Variants in TRIM33 observed in about 807,000 individuals in gnomAD.
The protein encoded by TRIM33 is E3 ubiquitin-protein ligase TRIM33.
TRIM33 carries 20 observed loss-of-function variants against 125.4 expected under a neutral mutation model. The ratio of observed to expected loss-of-function variants is 0.16; its 90% confidence interval spans 0.11 to 0.23. The LOEUF (loss-of-function observed/expected upper bound fraction) is 0.23, where lower values mean the gene tolerates loss of function less well. Among genes scored for constraint, TRIM33 ranks in the 10% least tolerant of loss-of-function variants. The probability of loss-of-function intolerance (pLI) is 1.00; values close to 1 mark genes in which losing one functional copy is unlikely to be tolerated. For missense variants in TRIM33, 920 were observed against 1,411.4 expected (o/e 0.65, Z 5.58); for synonymous variants, 564 against 513.9 (o/e 1.10, Z -1.32).
At chr1:114,481,582 C>T (rs1477809286) in intron 1 of TRIM33, among the ~76,000 whole-genome samples, 2 of 147,360 alleles carry the variant, frequency 1.4e-5, no homozygotes, top group African/African-American at 5.0e-5. Context: ...CAGAGTGAGA[C>T]ACTGTCCGAA....
At chr1:114,473,451 A>T (rs970784014) in intron 1 of TRIM33, among the ~76,000 whole-genome samples, 5 of 152,040 alleles carry the variant, frequency 3.3e-5, no homozygotes, top group South Asian at 2.1e-4. Flanking sequence ...CACAGGCTAA[A>T]CTAATTCCGA....
At chr1:114,465,691 C>T (rs1413445430) in intron 1 of TRIM33, among the ~76,000 whole-genome samples, 1 of 151,860 alleles carries the variant, frequency 6.6e-6, no homozygotes, top group South Asian at 2.1e-4. Context: ...ATATTTAAAA[C>T]AAAATACTGT....
intron 1 of TRIM33, among the ~76,000 whole-genome samples, chr1:114,489,840 A>C (rs1651942735): frequency 6.6e-6 from 1 of 152,192 alleles, no homozygotes; most frequent in Non-Finnish European, 1.5e-5. Flanking sequence ...AAAATGGTTA[A>C]ATTTTGTTAC....
intron 11 of TRIM33, among the ~76,000 whole-genome samples, chr1:114,420,702 CTCTGA>C (rs1248597833): frequency 2.0e-5 from 3 of 152,270 alleles, no homozygotes; most frequent in South Asian, 2.1e-4. Context: ...CAATGTAATG[CTCTGA>C]TCTATGTTAT....
chr1:114,500,154 G>A (rs768613292), intron 1 of TRIM33, among the ~76,000 whole-genome samples: 1 of 152,196 alleles, frequency 6.6e-6, no homozygotes, highest in Non-Finnish European at 1.5e-5. Flanking sequence ...GCAACAAAGT[G>A]AGACTCTGTC....
At chr1:114,398,999 A>C (rs1572002603) in intron 18 of TRIM33, among the ~76,000 whole-genome samples, 1 of 151,768 alleles carries the variant, frequency 6.6e-6, no homozygotes. Flanking sequence ...TGCTGAAATA[A>C]GAAAACTTAG....
chr1:114,426,496 T>A (rs1216550414), intron 8 of TRIM33, among the ~76,000 whole-genome samples: 3 of 151,296 alleles, frequency 2.0e-5, no homozygotes, highest in Non-Finnish European at 4.4e-5. Flanking sequence ...TTTTATTATA[T>A]GCAAAGATTA....
At chr1:114,481,645 G>A (rs1276317040) in intron 1 of TRIM33, among the ~76,000 whole-genome samples, 6 of 142,212 alleles carry the variant, frequency 4.2e-5, no homozygotes, top group African/African-American at 1.4e-4. Context: ...ATATATGTGT[G>A]TGTGTGTGTG....
At chr1:114,455,552 T>C (rs1649568863) in intron 4 of TRIM33, among the ~76,000 whole-genome samples, 2 of 152,144 alleles carry the variant, frequency 1.3e-5, no homozygotes, top group African/African-American at 2.4e-5. Flanking sequence ...AGTTAAGTCA[T>C]AAGAAAACAG....
At chr1:114,494,818 T>C (rs1416046117) in intron 1 of TRIM33, among the ~76,000 whole-genome samples, 1 of 152,204 alleles carries the variant, frequency 6.6e-6, no homozygotes, top group Admixed American at 6.5e-5. Context: ...ATTAATTACA[T>C]CCACCTTAAA....
At chr1:114,429,041 C>T (rs889236498) in intron 6 of TRIM33, among the ~76,000 whole-genome samples, 7 of 152,124 alleles carry the variant, frequency 4.6e-5, no homozygotes, top group African/African-American at 1.7e-4. Flanking sequence ...AAATGTATTA[C>T]AGTAAGTTTA....
intron 1 of TRIM33, among the ~76,000 whole-genome samples, chr1:114,481,568 G>A (rs1332975931): frequency 2.0e-5 from 3 of 149,268 alleles, no homozygotes; most frequent in African/African-American, 7.4e-5. Flanking sequence ...TCCAGCCTGG[G>A]CAACAGAGTG....
At chr1:114,488,126 A>G (rs1045264227) in intron 1 of TRIM33, among the ~76,000 whole-genome samples, 2 of 152,090 alleles carry the variant, frequency 1.3e-5, no homozygotes, top group Non-Finnish European at 2.9e-5. Flanking sequence ...TGTCAATACA[A>G]AGACTTTAAG....
intron 4 of TRIM33, among the ~76,000 whole-genome samples, chr1:114,455,350 CTA>C: frequency 6.6e-6 from 1 of 152,268 alleles, no homozygotes; most frequent in Non-Finnish European, 1.5e-5. Flanking sequence ...CAGGAGATGA[CTA>C]TGAGTGACAT....
At chr1:114,476,450 A>C (rs756483104) in intron 1 of TRIM33, among the ~76,000 whole-genome samples, 5 of 152,162 alleles carry the variant, frequency 3.3e-5, no homozygotes, top group Non-Finnish European at 7.4e-5. Context: ...TTAAATGTTT[A>C]AAAACAAAAC....
chr1:114,414,707 C>A (rs778449111), intron 11 of TRIM33, among the ~76,000 whole-genome samples: 34 of 152,146 alleles, frequency 2.2e-4, no homozygotes, highest in Admixed American at 1.3e-4. Flanking sequence ...TCTGCATTCT[C>A]CTGGCCTGTA....
At chr1:114,499,189 A>C (rs1456236790) in intron 1 of TRIM33, among the ~76,000 whole-genome samples, 3 of 152,154 alleles carry the variant, frequency 2.0e-5, no homozygotes, top group African/African-American at 7.2e-5. Context: ...AGAATAAAGA[A>C]AACTTCAAAA....
rs2101598228 is a variant in TRIM33 at position 114,510,872 on chromosome 1, C to A, written c.205G>T (p.Ala69Ser). Residue 69 changes from alanine to serine, a missense_variant, in exon 1 of 20, where the codon GCG becomes TCG. Around this residue, in one of 8 missense-constraint regions of TRIM33, gnomAD observed 233 missense variants for 189.6 expected, o/e 1.23. Coordinates refer to ENST00000358465, the MANE Select transcript of TRIM33 (RefSeq NM_015906.4). Reference protein sequence around the residue: ...AAGPDDGGVAAASSGSAQAAS... With the variant: ...AAGPDDGGVASASSGSAQAAS... Reference sequence around the variant, plus strand: ...GCCTGGGCCGAGCCCGAGGAGGCCGCGGCCACCCCCCCGTCGTCGGGCCCG... The same window carrying A: ...GCCTGGGCCGAGCCCGAGGAGGCCGAGGCCACCCCCCCGTCGTCGGGCCCG... 1 of 1,462,002 alleles carries A rather than the reference C, an allele frequency of 6.8e-7. No homozygotes were observed. Among genetic ancestry groups the A allele is most frequent in the Non-Finnish European group, 9.0e-7 (1 of 1,113,604 alleles). 90.6% of individuals were successfully genotyped at this position (1,462,002 alleles called of 1,614,324 possible).
chr1:114,473,882 ACTATATACTG>A (rs1650809221), intron 1 of TRIM33, among the ~76,000 whole-genome samples: 1 of 152,186 alleles, frequency 6.6e-6, no homozygotes, highest in South Asian at 2.1e-4. Context: ...GATAAAATTA[ACTATATACTG>A]CTATATACTG....
Sources: allele counts gnomAD v4.1 joint callset (sites outside exome capture counted in the v4.1 genomes callset), GRCh38; gene constraint gnomAD v4.1.1; regional missense constraint gnomAD v4.1.1; transcripts MANE v1.5; gene names NCBI Gene and HGNC (gene_info 2026-07-23, HGNC 2026-07-21).